Variants in LARGE1 observed in about 807,000 individuals in gnomAD.
LARGE1 encodes the protein LARGE xylosyl- and glucuronyltransferase 1, also known as xylosyl- and glucuronyltransferase LARGE1.
A neutral mutation model predicts 87.6 loss-of-function variants in LARGE1; 43 were observed. The observed-to-expected ratio is 0.49, with a 90% CI of 0.38 to 0.63. The LOEUF (loss-of-function observed/expected upper bound fraction) is 0.63, where lower values mean the gene tolerates loss of function less well. Ranked by LOEUF, LARGE1 falls within the 30% of genes least tolerant of loss-of-function variation. LARGE1 has a pLI of 0.00. For synonymous variants in LARGE1, 434 were observed against 394.6 expected (o/e 1.10, Z -1.18); for missense variants, 802 against 1,000.2 (o/e 0.80, Z 2.67).
At chr22:33,484,221 G>C (rs1328317740) in intron 6 of LARGE1, among the ~76,000 whole-genome samples, 1 of 152,030 alleles carries the variant, frequency 6.6e-6, no homozygotes, top group Admixed American at 6.6e-5. Flanking sequence ...AATCTTTCTT[G>C]ATAAAATCAA....
intron 6 of LARGE1, among the ~76,000 whole-genome samples, chr22:33,519,845 G>A (rs950660438): frequency 1.3e-5 from 2 of 152,140 alleles, no homozygotes; most frequent in African/African-American, 4.8e-5. Flanking sequence ...ACATTTCCAA[G>A]TCGTGTTCTT....
chr22:33,258,910 C>G (rs2145739715), intron 11 of LARGE1, among the ~76,000 whole-genome samples: 1 of 149,566 alleles, frequency 6.7e-6, no homozygotes, highest in South Asian at 2.1e-4. Flanking sequence ...CATAGTCTTG[C>G]TCTGTCATCC....
chr22:33,279,964 T>G (rs191187802), intron 13 of LARGE1, among the ~76,000 whole-genome samples: 17 of 152,332 alleles, frequency 1.1e-4, no homozygotes, highest in African/African-American at 4.1e-4. Context: ...ATGCTTTAAT[T>G]AGCCGTTAAT....
In LARGE1 at chr22:33,900,394, C is replaced by T. The variant is rs189859519; in HGVS notation, c.-83+19601G>A. On this transcript the variant is annotated intron_variant, in intron 1 of 14. Transcript: ENST00000397394. ...TTGAAAATTCTCACAGACCACATCA[C>T]GTGTCAGACCCAAATGCTCATTAGA... is the stretch of plus-strand genomic sequence containing the variant. Among the ~76,000 whole-genome samples, 335 of 152,296 alleles carry T rather than the reference C, an allele frequency of 2.2e-3. 2 individuals are homozygous for T. The highest frequency in any genetic ancestry group is 7.8e-3 in the African/African-American group (323 of 41,568).
At chr22:33,150,564 G>T in the LARGE1 span, among the ~76,000 whole-genome samples, 1 of 152,042 alleles carries the variant, frequency 6.6e-6, no homozygotes, top group Non-Finnish European at 1.5e-5. Flanking sequence ...TTAAGACATG[G>T]TCATCATTAG....
At chr22:33,584,375 C>T (rs1383550140) in intron 5 of LARGE1, among the ~76,000 whole-genome samples, 1 of 152,164 alleles carries the variant, frequency 6.6e-6, no homozygotes, top group Non-Finnish European at 1.5e-5. Context: ...ACAGTGGCCC[C>T]CAAGGCTCGG....
intron 1 of LARGE1, among the ~76,000 whole-genome samples, chr22:33,835,184 C>T (rs567293464): frequency 1.3e-5 from 2 of 152,304 alleles, no homozygotes; most frequent in South Asian, 4.1e-4. Flanking sequence ...ATTACATGTT[C>T]ATAAGGGCTT....
At chr22:33,268,337 T>C (rs1335271054), downstream of LARGE1, among the ~76,000 whole-genome samples, 5 of 151,520 alleles carry the variant, frequency 3.3e-5, no homozygotes, top group Non-Finnish European at 4.4e-5. Context: ...ACTATGAAGG[T>C]TCACATTTAT....
intron 9 of LARGE1, among the ~76,000 whole-genome samples, chr22:33,365,896 G>A (rs1315800415): frequency 6.6e-6 from 1 of 152,170 alleles, no homozygotes; most frequent in African/African-American, 2.4e-5. Flanking sequence ...GATTACAGGC[G>A]TGAGCCACTG....
the LARGE1 span, among the ~76,000 whole-genome samples, chr22:33,149,110 T>C: frequency 6.6e-6 from 1 of 151,174 alleles, no homozygotes; most frequent in Admixed American, 6.6e-5. Context: ...CGATCTCGGC[T>C]CACTGCAATC....
chr22:33,073,536 T>C, the LARGE1 span, among the ~76,000 whole-genome samples: 1 of 152,140 alleles, frequency 6.6e-6, no homozygotes, highest in African/African-American at 2.4e-5. Flanking sequence ...CTCCATTCTC[T>C]CCCACCTCTT....
chr22:33,587,369 G>T (rs945618186), intron 5 of LARGE1, among the ~76,000 whole-genome samples: 1 of 152,148 alleles, frequency 6.6e-6, no homozygotes, highest in Non-Finnish European at 1.5e-5. Context: ...GTATTCTGAT[G>T]TTGACTTACA....
At chr22:33,205,425 C>G (rs1924626223) in intron 11 of LARGE1, among the ~76,000 whole-genome samples, 1 of 152,174 alleles carries the variant, frequency 6.6e-6, no homozygotes, top group Non-Finnish European at 1.5e-5. Flanking sequence ...AAAAAGGTCT[C>G]TGTTCTTTTG....
intron 2 of LARGE1, among the ~76,000 whole-genome samples, chr22:33,701,559 G>C (rs1423152521): frequency 1.3e-5 from 2 of 152,180 alleles, no homozygotes; most frequent in Non-Finnish European, 2.9e-5. Flanking sequence ...CTCAGCTCTA[G>C]GTTGAGGCCC....
intron 2 of LARGE1, among the ~76,000 whole-genome samples, chr22:33,717,002 G>A (rs1391653669): frequency 6.6e-6 from 1 of 152,104 alleles, no homozygotes; most frequent in Non-Finnish European, 1.5e-5. Context: ...CAACTTAATT[G>A]TTTTTTGTTG....
At chr22:33,883,116 T>C (rs1031928903) in intron 1 of LARGE1, among the ~76,000 whole-genome samples, 1 of 152,174 alleles carries the variant, frequency 6.6e-6, no homozygotes, top group African/African-American at 2.4e-5. Flanking sequence ...AAGCTGCTGT[T>C]ATCTTTACGT....
chr22:33,578,831 A>C (rs1040553035), intron 5 of LARGE1, among the ~76,000 whole-genome samples: 4 of 152,244 alleles, frequency 2.6e-5, no homozygotes, highest in Non-Finnish European at 5.9e-5. Context: ...AATGGGAAGT[A>C]AAATCAGGAA....
chr22:33,274,063 T>C lies in LARGE1; in HGVS notation c.*364A>G. On this transcript the variant is annotated 3_prime_UTR_variant, in exon 15 of 15. Transcript: ENST00000397394. ...CCTGACTTCCCTTTCTCCCCAGTTA[T>C]GATGGGAAGCATAATTATTAAAAAG... 2.4e-6 allele frequency: 1 copy of C among 417,584 alleles called. No homozygotes were observed. The highest frequency in any genetic ancestry group is 4.4e-6 in the Non-Finnish European group (1 of 229,398). 25.9% of individuals were successfully genotyped at this position (417,584 alleles called of 1,614,324 possible).
At chr22:33,407,409 T>C (rs1482417743) in intron 7 of LARGE1, among the ~76,000 whole-genome samples, 1 of 152,240 alleles carries the variant, frequency 6.6e-6, no homozygotes, top group East Asian at 1.9e-4. Context: ...AATGTATTAG[T>C]CTCATTCCCT....
Sources: gnomAD v4.1 joint callset for allele counts (sites outside exome capture counted in the v4.1 genomes callset) on GRCh38, gnomAD v4.1.1 for gene constraint, MANE v1.5 for transcripts, NCBI Gene and HGNC (gene_info 2026-07-23, HGNC 2026-07-21) for gene names.